The following IGF2 variants were observed in gnomAD, a reference collection of about 807,000 sequenced individuals.
IGF2 encodes the protein insulin-like growth factor 2.
IGF2 carries 2 observed loss-of-function variants against 12.0 expected under a neutral mutation model. That is an observed-to-expected ratio of 0.17 (90% confidence interval 0.07 to 0.52). IGF2 has a LOEUF of 0.52. Ranked by LOEUF, IGF2 falls within the 20% of genes least tolerant of loss-of-function variation. IGF2 has a pLI of 0.95. For missense variants in IGF2, 211 were observed against 268.0 expected (o/e 0.79, Z 1.48); for synonymous variants, 105 against 110.1 (o/e 0.95, Z 0.29).
Position 2,130,457 on chromosome 11 carries a change from G to A in IGF2, c.*2530C>T, listed in dbSNP as rs1046101177. The A allele has an allele frequency of 3.5e-5, 8 of 227,266 alleles. No homozygotes were observed. The highest frequency in any genetic ancestry group is 2.8e-4 in the Admixed American group (5 of 17,570). The allele number at this position is 227,266 out of a possible 1,614,324, so 14.1% of individuals were successfully genotyped here. ...AAATCCAATCAGGGCGATAAATGGC[G>A]GGGGGCAGGACGTGGTGGTCTCCAG... is the stretch of plus-strand genomic sequence containing the variant. On this transcript the variant is annotated 3_prime_UTR_variant, in exon 4 of 4. Transcript: ENST00000416167.
At chr11:2,134,317 C>A in intron 2 of IGF2, 1 of 358,488 alleles carries the variant, frequency 2.8e-6, no homozygotes. Flanking sequence ...AGCCCCATCA[C>A]GGGGGTCCCC....
chr11:2,138,711 A>AC lies in IGF2; in HGVS notation c.-490_-489insG. 1 of 254,866 alleles carries AC rather than the reference A, an allele frequency of 3.9e-6. No homozygotes were observed. The highest frequency in any genetic ancestry group is 4.6e-6 in the Non-Finnish European group (1 of 215,676). 15.8% of individuals were successfully genotyped at this position (254,866 alleles called of 1,614,324 possible). On this transcript the variant is annotated 5_prime_UTR_variant, in exon 1 of 4. Coordinates refer to ENST00000416167, the MANE Select transcript of IGF2 (RefSeq NM_000612.6). ...GCGAGAGGGCGGGCGTGAGGGGGGG[A>AC]GGGAGTCGGAGGCTAGGAGCTGGGG...
chr11:2,139,726 C>T (rs995234935), upstream of IGF2, among the ~76,000 whole-genome samples: 4 of 151,820 alleles, frequency 2.6e-5, no homozygotes, highest in African/African-American at 9.7e-5. Context: ...GCCCGGGCGG[C>T]CTGTGCTCGT....
At position 2,133,267 on chromosome 11, in the gene IGF2, C is replaced by T. The variant is rs753206594; in HGVS notation, c.307-44G>A. ...GGTCAGCAGGTGCCTGCTCTCCACG[C>T]TCTTCCGCCTGAGCCGCCCGCCTGA... On this transcript the variant is annotated intron_variant, in intron 3 of 3. Coordinates refer to ENST00000416167, the MANE Select transcript of IGF2 (RefSeq NM_000612.6). The surrounding 1 kb of genome is among the most constrained non-coding windows in gnomAD (Gnocchi z 8.9). The T allele has an allele frequency of 1.8e-5, 24 of 1,357,098 alleles. No individual in the cohort carries two copies. Among genetic ancestry groups the T allele is most frequent in the Middle Eastern group, 1.9e-4 (1 of 5,284 alleles). 84.1% of individuals were successfully genotyped at this position (1,357,098 alleles called of 1,614,324 possible).
chr11:2,129,752 C>A lies in IGF2; in HGVS notation c.*3235G>T. On this transcript the variant is annotated 3_prime_UTR_variant, in exon 4 of 4. Coordinates refer to ENST00000416167, the MANE Select transcript of IGF2 (RefSeq NM_000612.6). This position sits in a 1 kb window ranked among gnomAD's most constrained non-coding sequence, Gnocchi z 8.1. Reference sequence around the variant, plus strand: ...CAGCCCCGTCACCAGGACCCAGAAGCCTCAGGCCTCTAGACTGCTAGTCGG... The same window carrying A: ...CAGCCCCGTCACCAGGACCCAGAAGACTCAGGCCTCTAGACTGCTAGTCGG... 4.3e-6 allele frequency: 1 copy of A among 232,176 alleles called. No individual in the cohort carries two copies. Among genetic ancestry groups the A allele is most frequent in the East Asian group, 6.1e-5 (1 of 16,462 alleles). 14.4% of individuals were successfully genotyped at this position (232,176 alleles called of 1,614,324 possible). A position where few individuals can be genotyped will look rare whatever the true frequency, so the allele number is the denominator to read the frequency against.
chr11:2,135,300 T>C, intron 2 of IGF2, 67 bp downstream of exon 2: 2 of 1,394,504 alleles, frequency 1.4e-6, no homozygotes, highest in Non-Finnish European at 1.9e-6. Context: ...TGGCTTGAGG[T>C]TGGGCGTCCT....
chr11:2,141,111 C>T (rs1859559925), upstream of IGF2: 2 of 215,664 alleles, frequency 9.3e-6, no homozygotes, highest in Admixed American at 1.3e-4. Flanking sequence ...GGCGCGCGGC[C>T]GACCCAAGTG....
At chr11:2,149,421 G>T in the IGF2 span, 1 of 1,263,072 alleles carries the variant, frequency 7.9e-7, no homozygotes, top group Non-Finnish European at 1.1e-6. Context: ...CATCTCCGCT[G>T]AGCATGGCAC....
Position 2,138,688 on chromosome 11 carries a change from G to T in IGF2, c.-466C>A. ...TAATCCACTTTGGTTCGGCGAAGGC[G>T]AGAGGGCGGGCGTGAGGGGGGGAGG... On this transcript the variant is annotated 5_prime_UTR_variant, in exon 1 of 4. Coordinates refer to ENST00000416167, the MANE Select transcript of IGF2 (RefSeq NM_000612.6). 1 of 945,444 alleles carries T rather than the reference G, an allele frequency of 1.1e-6. No homozygotes were observed. The highest frequency in any genetic ancestry group is 1.2e-6 in the Non-Finnish European group (1 of 802,050). The allele number at this position is 945,444 out of a possible 1,614,324, so 58.6% of individuals were successfully genotyped here. A position where few individuals can be genotyped will look rare whatever the true frequency, so the allele number is the denominator to read the frequency against.
chr11:2,140,583 C>T (rs1859503967), upstream of IGF2: 1 of 498,764 alleles, frequency 2.0e-6, no homozygotes, highest in Non-Finnish European at 3.7e-6. Flanking sequence ...CTCGCCCCAG[C>T]CCCCTGCCCG....
chr11:2,134,920 A>G (rs1858890434), intron 2 of IGF2, among the ~76,000 whole-genome samples: 2 of 152,222 alleles, frequency 1.3e-5, no homozygotes, highest in African/African-American at 4.8e-5. Flanking sequence ...TATTGATTTT[A>G]ATTATATAAA....
chr11:2,138,084 C>T (rs1360209648), intron 1 of IGF2, 145 bp downstream of exon 1: 3 of 338,202 alleles, frequency 8.9e-6, no homozygotes, highest in Non-Finnish European at 1.3e-5. Flanking sequence ...CCTCCTCCTC[C>T]TCCTCCTCCT....
the IGF2 span, chr11:2,147,276 T>C: frequency 3.2e-6 from 1 of 309,856 alleles, no homozygotes; most frequent in African/African-American, 2.1e-5. This position sits in a 1 kb window ranked among gnomAD's most constrained non-coding sequence, Gnocchi z 7.2. Flanking sequence ...GCCCGCTCTC[T>C]CCCTGCCCCT....
At chr11:2,141,642 T>C (rs914272669), upstream of IGF2, among the ~76,000 whole-genome samples, 1 of 152,170 alleles carries the variant, frequency 6.6e-6, no homozygotes, top group African/African-American at 2.4e-5. Context: ...AGGGGGAAGC[T>C]GAGATTAATT....
chr11:2,139,776 C>T (rs1004427707), upstream of IGF2, among the ~76,000 whole-genome samples: 1 of 151,892 alleles, frequency 6.6e-6, no homozygotes, highest in Non-Finnish European at 1.5e-5. Flanking sequence ...GGCGGGCTCC[C>T]AGCGCCCCAC....
upstream of IGF2, chr11:2,140,518 G>T (rs1454715023): frequency 7.2e-6 from 4 of 558,714 alleles, no homozygotes; most frequent in Admixed American, 9.7e-5. Context: ...GGAGTCCTAG[G>T]CCCGCGGGCT....
At chr11:2,147,494 T>A in the IGF2 span, 1 of 593,580 alleles carries the variant, frequency 1.7e-6, no homozygotes, top group Non-Finnish European at 2.5e-6. The surrounding 1 kb of genome is among the most constrained non-coding windows in gnomAD (Gnocchi z 7.2). Flanking sequence ...AAGGGGGAGA[T>A]CCCAGTTCGA....
Position 2,131,283 on chromosome 11 carries a change from C to T in IGF2, c.*1704G>A, listed in dbSNP as rs778335820. On this transcript the variant is annotated 3_prime_UTR_variant, in exon 4 of 4. Transcript: ENST00000416167. ...CTGAGAGGCAGGGCACAGACAGGGCCGAGGGGCAGTGGAGATGGGAACAGG... is the reference window on the plus strand; with the variant it reads ...CTGAGAGGCAGGGCACAGACAGGGCTGAGGGGCAGTGGAGATGGGAACAGG... 8 of 233,246 alleles carry T rather than the reference C, an allele frequency of 3.4e-5. 1 individual carries two copies. Among genetic ancestry groups the T allele is most frequent in the African/African-American group, 1.5e-4 (7 of 45,350 alleles). The allele number at this position is 233,246 out of a possible 1,614,324, so 14.4% of individuals were successfully genotyped here. A position where few individuals can be genotyped will look rare whatever the true frequency, so the allele number is the denominator to read the frequency against.
rs1858580522 is a variant in IGF2 at position 2,131,702 on chromosome 11, C to CG, written c.*1284_*1285insC. 5.7e-6 allele frequency: 1 copy of CG among 174,762 alleles called. No individual in the cohort carries two copies. Among genetic ancestry groups the CG allele is most frequent in the African/African-American group, 3.1e-5 (1 of 32,620 alleles). 10.8% of individuals were successfully genotyped at this position (174,762 alleles called of 1,614,324 possible). ...TGTGTGTGCTGTGTTTGTGTGTGTG[C>CG]TGTGTGTGCTGTGTTCGTGTGTGCT... On this transcript the variant is annotated 3_prime_UTR_variant, in exon 4 of 4. Coordinates refer to ENST00000416167, the MANE Select transcript of IGF2 (RefSeq NM_000612.6).
Sources: gnomAD v4.1 joint callset for allele counts (sites outside exome capture counted in the v4.1 genomes callset) on GRCh38, gnomAD v4.1.1 for gene constraint, Gnocchi (gnomAD v3.1) non-coding constraint, MANE v1.5 for transcripts, NCBI Gene and HGNC (gene_info 2026-07-23, HGNC 2026-07-21) for gene names.